The following TRMT5 variants were observed in gnomAD, a reference collection of about 807,000 sequenced individuals.
The protein encoded by TRMT5 is tRNA (guanine(37)-N(1))-methyltransferase.
In TRMT5, 31 loss-of-function variants were observed where a neutral mutation model predicts 42.2. That is an observed-to-expected ratio of 0.73 (90% CI 0.55 to 0.99). The LOEUF (loss-of-function observed/expected upper bound fraction) is 0.99, where lower values mean the gene tolerates loss of function less well. TRMT5 is among the 50% of genes least tolerant of loss of function. The pLI, the probability that TRMT5 is intolerant of heterozygous loss-of-function variation, is 0.00. For synonymous variants in TRMT5, 198 were observed against 209.6 expected, an observed-to-expected ratio of 0.94 and a Z score of 0.48; for missense variants, 568 against 595.0, an observed-to-expected ratio of 0.95 and a Z score of 0.47.
At position 60,979,421 on chromosome 14, in the gene TRMT5, T is replaced by G. The variant is rs771389255; in HGVS notation, c.477A>C (p.Leu159Phe). The stretch of plus-strand genomic sequence containing the variant: ...TCTGTGGACTGACATTAAGCTGCTC[T>G]AAAACACTGAGTTCTGCTTTCTCAA... ...DSFEKAELSV[L>F]EQLNVSPQIS... is the part of the protein sequence containing the mutation. The change falls in exon 2 of 5, where the codon TTA becomes TTC. Residue 159 changes from leucine (L) to phenylalanine (F), a missense_variant. Physicochemically the swap from Leu to Phe is conservative, Grantham distance 22. Transcript: ENST00000261249. 1 of 1,614,170 alleles carries G rather than the reference T, an allele frequency of 6.2e-7. No individual in the cohort carries two copies. The highest frequency in any genetic ancestry group is 1.1e-5 in the South Asian group (1 of 91,076).
upstream of TRMT5, chr14:60,981,568 TAGC>T: frequency 6.6e-7 from 1 of 1,523,742 alleles, no homozygotes; most frequent in Non-Finnish European, 8.8e-7. Context: ...ATGAACGTGA[TAGC>T]AGCCTAGCAT....
chr14:60,973,594 T>C lies in TRMT5; in HGVS notation c.*1515A>G, dbSNP rs952854429. 2.6e-5 allele frequency: 4 copies of C among 152,170 alleles called. No homozygotes were observed. The highest frequency in any genetic ancestry group is 2.0e-4 in the Admixed American group (3 of 15,272). The allele number at this position is 152,170 out of a possible 1,614,324, so 9.4% of individuals were successfully genotyped here. On this transcript the variant is annotated 3_prime_UTR_variant, in exon 5 of 5. Coordinates refer to ENST00000261249, the MANE Select transcript of TRMT5 (RefSeq NM_020810.3). ...TCAAGCCTAGGAGTTCAAGGTTACA[T>C]TGAGGTGTAACTGTGTCTCTACACT...
rs1362159095 is a variant in TRMT5, at chr14:60,975,157, C to T, written c.1482G>A (p.Thr494=). 15 of 1,607,840 alleles carry T rather than the reference C, an allele frequency of 9.3e-6. No individual in the cohort carries two copies. The highest frequency in any genetic ancestry group is 8.9e-5 in the East Asian group (4 of 44,794). The stretch of plus-strand genomic sequence containing the variant: ...TTTTTTCGTCTGAAAAGGCTTCAGC[C>T]GTCCTCTGCCTTTTAAGAGGTGGAT... ...HEDPPLKRQR[T]AEAFSDEKTQ... Residue 494 remains threonine, a synonymous_variant, in exon 5 of 5, where the codon ACG becomes ACA. Coordinates refer to ENST00000261249, the MANE Select transcript of TRMT5 (RefSeq NM_020810.3).
rs548391430 is a variant in TRMT5, at chr14:60,974,025, T to C, written c.*1084A>G. ...GTGGTTTGTCTGGTAATGTCAATGG[T>C]TATTCTTTTAGCTTAGCTATATAGA... On this transcript the variant is annotated 3_prime_UTR_variant, in exon 5 of 5. Coordinates refer to ENST00000261249, the MANE Select transcript of TRMT5 (RefSeq NM_020810.3). 7.2e-5 allele frequency: 11 copies of C among 152,356 alleles called. No homozygotes were observed. In the South Asian group the frequency reaches 1.2e-3, roughly 17 times the overall value. 9.4% of individuals were successfully genotyped at this position (152,356 alleles called of 1,614,324 possible). A position where few individuals can be genotyped will look rare whatever the true frequency, so the allele number is the denominator to read the frequency against.
rs2036782944 is a variant in TRMT5, at chr14:60,972,095, C to G, written c.*3014G>C. On this transcript the variant is annotated 3_prime_UTR_variant, in exon 5 of 5. Coordinates refer to ENST00000261249, the MANE Select transcript of TRMT5 (RefSeq NM_020810.3). ...GATATTCTATTAGTGACACATACCC[C>G]TTCCCCCAAAAACAACAATGAAGTG... 1 of 355,310 alleles carries G rather than the reference C, an allele frequency of 2.8e-6. No homozygotes were observed. The highest frequency in any genetic ancestry group is 3.8e-5 in the Admixed American group (1 of 26,552). The allele number at this position is 355,310 out of a possible 1,614,324, so 22.0% of individuals were successfully genotyped here.
chr14:60,981,586 TAG>T, upstream of TRMT5: 2 of 1,513,346 alleles, frequency 1.3e-6, no homozygotes, highest in South Asian at 2.4e-5. Flanking sequence ...TAGCATACTC[TAG>T]AAAGAAAAGA....
rs747110175 is a variant in TRMT5, at chr14:60,979,540, G to A, written c.358C>T (p.Arg120Cys). ...TCAATCACACGTCTTATGCCTGGGCGCTGCAATGCTGCCCTTTTTAGGGAT... is the reference window on the plus strand; with the variant it reads ...TCAATCACACGTCTTATGCCTGGGCACTGCAATGCTGCCCTTTTTAGGGAT... The part of the protein sequence containing the change: ...MRSLKRAALQ[R>C]PGIRRVIEDP... Residue 120 changes from arginine (R) to cysteine (C), a missense_variant, in exon 2 of 5, where the codon CGC becomes TGC. Arg to Cys is a radical substitution (Grantham distance 180). Transcript: ENST00000261249. 20 of 1,613,972 alleles carry A rather than the reference G, an allele frequency of 1.2e-5. No individual in the cohort carries two copies. The highest frequency in any genetic ancestry group is 1.6e-4 in the Middle Eastern group (1 of 6,084).
intron 1 of TRMT5, 46 bp from the exon 2 acceptor site, chr14:60,979,932 T>A: frequency 3.3e-6 from 5 of 1,495,390 alleles, no homozygotes; most frequent in Non-Finnish European, 4.4e-6. Context: ...CTTTTGAGAA[T>A]AAAAATCTAA....
At chr14:60,979,088 T>C (rs2036883420) in intron 2 of TRMT5, 143 bp downstream of exon 2, 5 of 737,084 alleles carry the variant, frequency 6.8e-6, no homozygotes, top group Non-Finnish European at 1.1e-5. Context: ...AAAGAGGGTA[T>C]GTAGCTCAAG....
At chr14:60,976,245 A>G (rs2079484550) in intron 3 of TRMT5, 119 bp from the exon 4 acceptor site, 14 of 1,176,142 alleles carry the variant, frequency 1.2e-5, no homozygotes, top group Non-Finnish European at 1.7e-5. Flanking sequence ...TTACTACTGT[A>G]AGAGCCAAAC....
At position 60,972,141 on chromosome 14, in the gene TRMT5, G is replaced by C. The variant is rs760046137; in HGVS notation, c.*2968C>G. ...AAGTGTTCTGTGTGCTAACAACATA[G>C]CTTAAAAAAAGTAAAACAAAATTCT... is the stretch of plus-strand genomic sequence containing the variant. On this transcript the variant is annotated 3_prime_UTR_variant, in exon 5 of 5. Coordinates refer to ENST00000261249, the MANE Select transcript of TRMT5 (RefSeq NM_020810.3). 2.3e-5 allele frequency: 9 copies of C among 389,986 alleles called. No homozygotes were observed. Among genetic ancestry groups the C allele is most frequent in the Non-Finnish European group, 3.5e-5 (7 of 201,900 alleles). 24.2% of individuals were successfully genotyped at this position (389,986 alleles called of 1,614,324 possible). A position where few individuals can be genotyped will look rare whatever the true frequency, so the allele number is the denominator to read the frequency against.
intron 3 of TRMT5, among the ~76,000 whole-genome samples, chr14:60,976,355 A>G (rs2036847159): frequency 1.3e-5 from 2 of 152,230 alleles, no homozygotes; most frequent in African/African-American, 4.8e-5. Flanking sequence ...AGAAAAAGTC[A>G]TCTCTTTAAA....
rs7142228 is a variant in TRMT5, at chr14:60,979,249, G to A, written c.649C>T (p.Pro217Ser). The change falls in exon 2 of 5, where the codon CCT becomes TCT. Residue 217 changes from proline (P) to serine (S), a missense_variant. Physicochemically the swap from Pro to Ser is moderately conservative, Grantham distance 74. Transcript: ENST00000261249. The stretch of plus-strand genomic sequence containing the variant: ...CACGTACCAATTAAATGTTTGAAAG[G>A]CAGCTGATGATCTCGAAGGTTTAGG... Reference protein sequence around the residue: ...AHLNLRDHQLPFKHLIGQVMI... With the variant: ...AHLNLRDHQLSFKHLIGQVMI... 1.2e-6 allele frequency: 2 copies of A among 1,605,388 alleles called. No individual in the cohort carries two copies. The highest frequency in any genetic ancestry group is 2.7e-5 in the African/African-American group (2 of 74,556).
upstream of TRMT5, chr14:60,981,211 C>A (rs1310426777): frequency 6.5e-7 from 1 of 1,547,598 alleles, no homozygotes; most frequent in South Asian, 1.2e-5. Context: ...CTGGCGCGAC[C>A]GACGACTGGA....
At chr14:60,981,232 G>T, upstream of TRMT5, 9 of 1,565,910 alleles carry the variant, frequency 5.7e-6, no homozygotes, top group Non-Finnish European at 6.9e-6. Context: ...GCGCAGGGCA[G>T]GGGTAGAGGC....
Position 60,972,587 on chromosome 14 carries a change from A to C in TRMT5, c.*2522T>G. 3.0e-6 allele frequency: 1 copy of C among 332,484 alleles called. No individual in the cohort carries two copies. Among genetic ancestry groups the C allele is most frequent in the Non-Finnish European group, 5.8e-6 (1 of 172,202 alleles). 20.6% of individuals were successfully genotyped at this position (332,484 alleles called of 1,614,324 possible). A position where few individuals can be genotyped will look rare whatever the true frequency, so the allele number is the denominator to read the frequency against. On this transcript the variant is annotated 3_prime_UTR_variant, in exon 5 of 5. Transcript: ENST00000261249. ...TTCACACTGCTCCCACGCTTTTTTA[A>C]TTGACAAAATTCAAAATATAGCCCA...
Position 60,977,598 on chromosome 14 carries a change from T to C in TRMT5, c.708A>G (p.Ala236=), listed in dbSNP as rs1281151882. ...MIDKNPGITS[A]VNKINNIDNM... The stretch of plus-strand genomic sequence containing the variant: ...TGTCAATATTATTTATTTTATTTAC[T>C]GCTGAGGTGATTCCTGGATTTTTGT... The change falls in exon 3 of 5, where the codon GCA becomes GCG. Residue 236 remains alanine (A), a synonymous_variant. Coordinates refer to ENST00000261249, the MANE Select transcript of TRMT5 (RefSeq NM_020810.3). The C allele has an allele frequency of 3.1e-6, 5 of 1,610,070 alleles. No individual in the cohort carries two copies. Among genetic ancestry groups the C allele is most frequent in the Non-Finnish European group, 3.4e-6 (4 of 1,177,856 alleles).
In TRMT5 at chr14:60,975,763, T is replaced by G; in HGVS notation, c.1156A>C (p.Met386Leu). Residue 386 changes from methionine to leucine, a missense_variant, in exon 4 of 5, where the codon ATG becomes CTG. Met to Leu is a conservative substitution (Grantham distance 15). Coordinates refer to ENST00000261249, the MANE Select transcript of TRMT5 (RefSeq NM_020810.3). ...KERKPSVHVVMNLPAKAIEFL... is the reference protein window; with the variant it reads ...KERKPSVHVVLNLPAKAIEFL... ...TCTATAGCTTTTGCTGGCAAGTTCATGACAACGTGCACAGAGGGTTTTCTT... is the reference window on the plus strand; with the variant it reads ...TCTATAGCTTTTGCTGGCAAGTTCAGGACAACGTGCACAGAGGGTTTTCTT... 1.2e-6 allele frequency: 2 copies of G among 1,614,256 alleles called. No individual in the cohort carries two copies. Among genetic ancestry groups the G allele is most frequent in the Non-Finnish European group, 8.5e-7 (1 of 1,180,046 alleles).
rs1004831330 is a variant in TRMT5 at position 60,980,601 on chromosome 14, A to T, written c.11+362T>A. ...TGCTGATTGTTATATGCATAGTATC[A>T]GTTATTCACTGTCTTCTAAAATACC... On this transcript the variant is annotated intron_variant, in intron 1 of 4. Transcript: ENST00000261249. Among the ~76,000 whole-genome samples the T allele has an allele frequency of 9.8e-5, 15 of 152,342 alleles. No individual in the cohort carries two copies. In the South Asian group the frequency reaches 3.1e-3, roughly 32 times the overall value.
Sources: allele counts gnomAD v4.1 joint callset (sites outside exome capture counted in the v4.1 genomes callset), GRCh38; gene constraint gnomAD v4.1.1; transcripts MANE v1.5; gene names NCBI Gene and HGNC (gene_info 2026-07-23, HGNC 2026-07-21).